The following AUTS2 variants were observed in gnomAD, a reference collection of about 807,000 sequenced individuals.
AUTS2 encodes activator of transcription and developmental regulator AUTS2.
A neutral mutation model predicts 112.4 loss-of-function variants in AUTS2; 17 were observed. That is an observed-to-expected ratio of 0.15 (90% CI 0.10 to 0.23). AUTS2 has a LOEUF of 0.23. Among genes scored for constraint, AUTS2 ranks in the 10% least tolerant of loss-of-function variants. AUTS2 has a pLI of 1.00. For missense variants in AUTS2, 1,510 were observed against 1,701.6 expected (o/e 0.89, Z 1.98); for synonymous variants, 751 against 702.7 (o/e 1.07, Z -1.09).
chr7:70,184,914 T>C (rs1285039741), intron 4 of AUTS2, among the ~76,000 whole-genome samples: 1 of 152,234 alleles, frequency 6.6e-6, no homozygotes, highest in Non-Finnish European at 1.5e-5. Context: ...GCTTAATCTG[T>C]ACTTACAGCA....
At chr7:70,533,191 C>T (rs1488111080) in intron 5 of AUTS2, among the ~76,000 whole-genome samples, 2 of 152,196 alleles carry the variant, frequency 1.3e-5, no homozygotes, top group Non-Finnish European at 2.9e-5. Flanking sequence ...AGCATGAACA[C>T]GGCTCACTTG....
At chr7:69,622,239 A>G (rs1489551950) in intron 1 of AUTS2, among the ~76,000 whole-genome samples, 2 of 152,188 alleles carry the variant, frequency 1.3e-5, no homozygotes, top group Admixed American at 1.3e-4. Context: ...GTGTTCTCAG[A>G]TAAAAGACCC....
intron 1 of AUTS2, among the ~76,000 whole-genome samples, chr7:69,686,655 G>A (rs1438693624): frequency 1.3e-5 from 2 of 152,190 alleles, no homozygotes; most frequent in Non-Finnish European, 2.9e-5. Context: ...TGGGTATGCT[G>A]TATAAAGGCT....
At chr7:69,712,072 T>C (rs1393600899) in intron 1 of AUTS2, among the ~76,000 whole-genome samples, 1 of 152,210 alleles carries the variant, frequency 6.6e-6, no homozygotes, top group East Asian at 1.9e-4. Context: ...TCCTTCTTTG[T>C]GCTCCCATAT....
At chr7:70,061,881 G>A (rs1389892706) in intron 2 of AUTS2, among the ~76,000 whole-genome samples, 12 of 151,348 alleles carry the variant, frequency 7.9e-5, no homozygotes, top group Non-Finnish European at 1.8e-4. Context: ...TCTGCCTCCC[G>A]GGTTCAAGCA....
chr7:70,759,098 C>T (rs1789400838), intron 6 of AUTS2, among the ~76,000 whole-genome samples: 2 of 152,194 alleles, frequency 1.3e-5, no homozygotes, highest in Admixed American at 6.5e-5. Context: ...TACTAACCCT[C>T]TACACTTTAA....
At chr7:70,752,060 C>G (rs537193159) in intron 6 of AUTS2, among the ~76,000 whole-genome samples, 28 of 151,756 alleles carry the variant, frequency 1.8e-4, no homozygotes, top group Non-Finnish European at 2.7e-4. Flanking sequence ...TGTGCTTGGG[C>G]TGTGTATGTG....
chr7:70,642,057 G>A (rs949088155), intron 5 of AUTS2, among the ~76,000 whole-genome samples: 2 of 152,170 alleles, frequency 1.3e-5, no homozygotes, highest in Middle Eastern at 6.3e-3. Context: ...TCTACCTGCG[G>A]TGCATGTAAG....
chr7:70,781,675 C>T lies in AUTS2; in HGVS notation c.2065C>T (p.Arg689Cys), dbSNP rs761324549. 21 of 1,614,064 alleles carry T rather than the reference C, an allele frequency of 1.3e-5. No homozygotes were observed. The highest frequency in any genetic ancestry group is 4.5e-5 in the East Asian group (2 of 44,890). Residue 689 changes from arginine to cysteine, a missense_variant, in exon 15 of 19, where the codon CGC (arginine) becomes TGC (cysteine). Physicochemically the swap from Arg to Cys is radical, Grantham distance 180. Around this residue, in one of 3 missense-constraint regions of AUTS2, gnomAD observed 187 missense variants for 309.7 expected, o/e 0.60. Coordinates refer to ENST00000342771, the MANE Select transcript of AUTS2 (RefSeq NM_015570.4). ...DFGLKPEFLSRPPGPSLFGAI... is the reference protein window; with the variant it reads ...DFGLKPEFLSCPPGPSLFGAI... Reference sequence around the variant, plus strand: ...TGGACTGAAACCTGAGTTCCTGAGCCGCCCTCCAGGCCCCAGTCTTTTTGG... The same window carrying T: ...TGGACTGAAACCTGAGTTCCTGAGCTGCCCTCCAGGCCCCAGTCTTTTTGG...
intron 4 of AUTS2, among the ~76,000 whole-genome samples, chr7:70,269,666 A>G (rs1787593222): frequency 6.6e-6 from 1 of 152,216 alleles, no homozygotes; most frequent in South Asian, 2.1e-4. Flanking sequence ...AGCACTTAGA[A>G]CGCTTTAAGT....
chr7:70,690,183 A>G (rs1225450434), intron 5 of AUTS2, among the ~76,000 whole-genome samples: 1 of 152,218 alleles, frequency 6.6e-6, no homozygotes, highest in Non-Finnish European at 1.5e-5. Flanking sequence ...AGCCACAATT[A>G]TTAACCTGAT....
intron 1 of AUTS2, among the ~76,000 whole-genome samples, chr7:69,762,446 A>G (rs912099118): frequency 6.6e-6 from 1 of 151,532 alleles, no homozygotes; most frequent in Non-Finnish European, 1.5e-5. Context: ...AGCTGGGACC[A>G]CAGGTATGTG....
intron 1 of AUTS2, among the ~76,000 whole-genome samples, chr7:69,630,280 T>G (rs1794168783): frequency 6.6e-6 from 1 of 152,092 alleles, no homozygotes; most frequent in Non-Finnish European, 1.5e-5. Context: ...AAAAACATAT[T>G]TCTATTGTGA....
In AUTS2 at chr7:70,774,043, G is replaced by A. The variant is rs756334229; in HGVS notation, c.1846G>A (p.Asp616Asn). 18 of 1,614,026 alleles carry A rather than the reference G, an allele frequency of 1.1e-5. No individual in the cohort carries two copies. The highest frequency in any genetic ancestry group is 8.3e-5 in the Admixed American group (5 of 60,004). ...TAATTTGTAGACATCCAACCCTATC[G>A]ATGTCGCTGCTCGGCCTGGGACAGT... ...AFQPKTSNPI[D>N]VAARPGTVPH... Residue 616 changes from aspartate to asparagine, a missense_variant, in exon 12 of 19, where the codon GAT becomes AAT. Transcript: ENST00000342771.
chr7:70,249,022 T>G (rs936134696), intron 4 of AUTS2, among the ~76,000 whole-genome samples: 2 of 152,222 alleles, frequency 1.3e-5, no homozygotes, highest in African/African-American at 4.8e-5. Context: ...GGAAAGATAC[T>G]TTTTACTCTA....
intron 4 of AUTS2, among the ~76,000 whole-genome samples, chr7:70,377,141 G>C (rs1793124579): frequency 6.6e-6 from 1 of 151,034 alleles, no homozygotes; most frequent in South Asian, 2.1e-4. Flanking sequence ...GTAGTCCAGG[G>C]AATGTGCCCC....
chr7:70,145,795 G>A (rs141920806), intron 4 of AUTS2, among the ~76,000 whole-genome samples: 1 of 152,140 alleles, frequency 6.6e-6, no homozygotes, highest in African/African-American at 2.4e-5. Flanking sequence ...ATTACATTCT[G>A]TTTTCTTTAA....
intron 4 of AUTS2, among the ~76,000 whole-genome samples, chr7:70,278,043 A>G (rs749896073): frequency 2.0e-5 from 3 of 151,688 alleles, no homozygotes; most frequent in Non-Finnish European, 4.4e-5. Flanking sequence ...GGTGATTGGT[A>G]ACATGAACCA....
intron 4 of AUTS2, among the ~76,000 whole-genome samples, chr7:70,224,682 GCTCA>G (rs1362105813): frequency 6.6e-6 from 1 of 152,096 alleles, no homozygotes; most frequent in African/African-American, 2.4e-5. Flanking sequence ...TTCATGCACT[GCTCA>G]CTCACTCACT....
Sources: gnomAD v4.1 joint callset for allele counts (sites outside exome capture counted in the v4.1 genomes callset) on GRCh38, gnomAD v4.1.1 for gene constraint, gnomAD v4.1.1 regional missense constraint, MANE v1.5 for transcripts, NCBI Gene and HGNC (gene_info 2026-07-23, HGNC 2026-07-21) for gene names.